EPM2A: variants seen among roughly 807,000 people sequenced by gnomAD.
The protein encoded by EPM2A is EPM2A glucan phosphatase, laforin, also known as laforin.
A neutral mutation model predicts 26.5 loss-of-function variants in EPM2A; 21 were observed. The ratio of observed to expected loss-of-function variants is 0.79; its 90% confidence interval spans 0.56 to 1.14. The LOEUF is 1.14. Among genes scored for constraint, EPM2A ranks in the 50% most tolerant of loss-of-function variants. The pLI is 0.00. For synonymous variants in EPM2A, 217 were observed against 177.6 expected, an observed-to-expected ratio of 1.22 and a Z score of -1.76; for missense variants, 458 against 440.8, an observed-to-expected ratio of 1.04 and a Z score of -0.35.
chr6:145,589,743 G>A (rs1245364708), intron 2 of EPM2A, among the ~76,000 whole-genome samples: 1 of 152,172 alleles, frequency 6.6e-6, no homozygotes, highest in East Asian at 1.9e-4. Flanking sequence ...GCCACTGCAT[G>A]CAAACCATCC....
chr6:145,421,455 A>T (rs1778779770), intron 4 of EPM2A, among the ~76,000 whole-genome samples: 1 of 152,102 alleles, frequency 6.6e-6, no homozygotes, highest in Admixed American at 6.6e-5. Context: ...ATGTATTTGT[A>T]TACCTTTGTA....
At chr6:145,678,552 A>AG (rs1277951379) in intron 2 of EPM2A, among the ~76,000 whole-genome samples, 2 of 152,146 alleles carry the variant, frequency 1.3e-5, no homozygotes, top group African/African-American at 4.8e-5. Flanking sequence ...CAAATATACA[A>AG]GAAAAAAACG....
intron 4 of EPM2A, among the ~76,000 whole-genome samples, chr6:145,492,634 T>C (rs906774): frequency 0.45 from 68,401 of 151,928 alleles, 15,459 homozygotes; most frequent in South Asian, 0.59. Flanking sequence ...TGAAAGTGGC[T>C]CTCAGAGGGA....
At chr6:145,429,312 CAATT>C (rs1350996403) in intron 4 of EPM2A, among the ~76,000 whole-genome samples, 1 of 152,008 alleles carries the variant, frequency 6.6e-6, no homozygotes, top group African/African-American at 2.4e-5. Context: ...ATATATCTAT[CAATT>C]AATTCATTTA....
intron 1 of EPM2A, among the ~76,000 whole-genome samples, chr6:145,704,527 G>T (rs193184697): frequency 6.6e-6 from 1 of 152,176 alleles, no homozygotes; most frequent in Non-Finnish European, 1.5e-5. Flanking sequence ...GACAGATAGC[G>T]GAAGTGTTAG....
intron 2 of EPM2A, among the ~76,000 whole-genome samples, chr6:145,554,023 A>C (rs1311049173): frequency 1.3e-5 from 2 of 151,858 alleles, no homozygotes; most frequent in Admixed American, 6.6e-5. Context: ...TCATATTTGT[A>C]TAATGCTTTA....
At chr6:145,514,781 G>T (rs401561) in intron 2 of EPM2A, among the ~76,000 whole-genome samples, 54,425 of 151,992 alleles carry the variant, frequency 0.36, 10,308 homozygotes, top group South Asian at 0.51. Flanking sequence ...TCTCCACAAA[G>T]AATAATTTGC....
At position 145,465,832 on chromosome 6, in the gene EPM2A, C is replaced by T. The variant is rs563043443; in HGVS notation, c.555+36690G>A. Among the ~76,000 whole-genome samples, 8 of 152,050 alleles carry T rather than the reference C, an allele frequency of 5.3e-5. No homozygotes were observed. In the South Asian group the frequency reaches 6.2e-4, roughly 12 times the overall value. On this transcript the variant is annotated intron_variant, in intron 4 of 4. Transcript: ENST00000638717. ...AGAACAGAGGCCTCAGAAATAACGC[C>T]GCATATCTACAACTATCTGATCTTT...
intron 2 of EPM2A, among the ~76,000 whole-genome samples, chr6:145,552,985 T>C (rs1490974298): frequency 6.6e-6 from 1 of 152,116 alleles, no homozygotes; most frequent in East Asian, 1.9e-4. Flanking sequence ...ATGGTTTGGC[T>C]CTGTGTCCCC....
At chr6:145,411,820 T>C (rs971665924) in intron 4 of EPM2A, among the ~76,000 whole-genome samples, 1 of 152,294 alleles carries the variant, frequency 6.6e-6, no homozygotes, top group Admixed American at 6.5e-5. Context: ...TGAATTCATG[T>C]CTATGTGAAA....
intron 4 of EPM2A, among the ~76,000 whole-genome samples, chr6:145,467,381 G>A (rs1193541654): frequency 2.0e-5 from 3 of 151,964 alleles, no homozygotes; most frequent in Non-Finnish European, 4.4e-5. Context: ...ATATCACATT[G>A]CCTTTGTCAC....
At chr6:145,682,736 T>C (rs1222830093) in intron 2 of EPM2A, 2 of 152,162 alleles carry the variant, frequency 1.3e-5, no homozygotes, top group African/African-American at 4.8e-5. Context: ...ATTTAATTTT[T>C]AGATATATAT....
At chr6:145,664,722 A>T (rs4634475) in intron 2 of EPM2A, among the ~76,000 whole-genome samples, 82,069 of 151,836 alleles carry the variant, frequency 0.54, 22,695 homozygotes, top group East Asian at 0.67. Context: ...TTTTTTCAGC[A>T]CCACACCATA....
chr6:145,635,029 C>T (rs1776539842), intron 3 of EPM2A: 3 of 524,912 alleles, frequency 5.7e-6, no homozygotes, highest in South Asian at 2.3e-5. Context: ...AGTACATACA[C>T]AATAAATATG....
At chr6:145,573,266 A>G (rs377146383) in intron 2 of EPM2A, among the ~76,000 whole-genome samples, 108 of 152,362 alleles carry the variant, frequency 7.1e-4, no homozygotes, top group African/African-American at 2.5e-3. Flanking sequence ...CCCCTGAGGT[A>G]GGACAGTAAA....
At chr6:145,538,766 G>C (rs1582835405) in intron 2 of EPM2A, among the ~76,000 whole-genome samples, 1 of 152,176 alleles carries the variant, frequency 6.6e-6, no homozygotes, top group Non-Finnish European at 1.5e-5. Context: ...CCAGTGAATG[G>C]TAGCCATATA....
At chr6:145,417,057 T>C (rs1274447380) in intron 4 of EPM2A, among the ~76,000 whole-genome samples, 1 of 152,202 alleles carries the variant, frequency 6.6e-6, no homozygotes, top group Non-Finnish European at 1.5e-5. Context: ...AGACCCAGCC[T>C]TGGCCAAGGT....
chr6:145,578,594 T>C (rs972300053), intron 2 of EPM2A, among the ~76,000 whole-genome samples: 1 of 152,176 alleles, frequency 6.6e-6, no homozygotes, highest in African/African-American at 2.4e-5. Context: ...GGTTCACCTG[T>C]TGAATTCAAC....
At chr6:145,673,077 AC>A (rs1412868806) in intron 2 of EPM2A, among the ~76,000 whole-genome samples, 2 of 152,178 alleles carry the variant, frequency 1.3e-5, no homozygotes, top group Admixed American at 1.3e-4. Context: ...ATACATTAAA[AC>A]AATTTGGAAC....
Sources: allele counts gnomAD v4.1 joint callset (sites outside exome capture counted in the v4.1 genomes callset), GRCh38; gene constraint gnomAD v4.1.1; transcripts MANE v1.5; gene names NCBI Gene and HGNC (gene_info 2026-07-23, HGNC 2026-07-21).